The following ARSK variants were observed in gnomAD, a reference collection of about 807,000 sequenced individuals.
ARSK encodes arylsulfatase family member K, also known as arylsulfatase K.
A neutral mutation model predicts 53.2 loss-of-function variants in ARSK; 37 were observed. The observed-to-expected ratio is 0.70, with a 90% confidence interval of 0.54 to 0.92. ARSK has a LOEUF of 0.92. ARSK is among the 40% of genes least tolerant of loss of function. ARSK has a pLI of 0.00. For synonymous variants in ARSK, 208 were observed against 223.2 expected (o/e 0.93, Z 0.61); for missense variants, 613 against 643.0 (o/e 0.95, Z 0.51).
intron 1 of ARSK, among the ~76,000 whole-genome samples, chr5:95,563,578 A>T (rs1247925363): frequency 2.0e-5 from 3 of 152,148 alleles, no homozygotes; most frequent in African/African-American, 7.2e-5. Context: ...CCTGCTTTTG[A>T]TACAGATAAT....
At chr5:95,576,443 C>A (rs181652856) in intron 3 of ARSK, among the ~76,000 whole-genome samples, 1 of 151,494 alleles carries the variant, frequency 6.6e-6, no homozygotes, top group Admixed American at 6.6e-5. Flanking sequence ...GTGATCCGCC[C>A]GCCTCGGCCT....
chr5:95,566,319 A>C (rs565147765), intron 2 of ARSK, among the ~76,000 whole-genome samples, 192 bp downstream of exon 2: 5 of 152,308 alleles, frequency 3.3e-5, no homozygotes, highest in Admixed American at 1.3e-4. Context: ...CAAGAGTAGG[A>C]ATTTTTATCA....
chr5:95,572,670 C>T (rs1448843199), intron 3 of ARSK, among the ~76,000 whole-genome samples: 5 of 152,016 alleles, frequency 3.3e-5, no homozygotes, highest in African/African-American at 9.7e-5. Flanking sequence ...CCCAGCTCCT[C>T]GGGAGGCTGA....
intron 4 of ARSK, among the ~76,000 whole-genome samples, chr5:95,584,558 C>T (rs1311779246): frequency 1.3e-5 from 2 of 152,082 alleles, no homozygotes; most frequent in African/African-American, 2.4e-5. Flanking sequence ...TCAGTTAATT[C>T]AACTAAAAAG....
intron 4 of ARSK, 96 bp from the exon 5 acceptor site, chr5:95,586,466 G>T: frequency 1.1e-6 from 1 of 941,174 alleles, no homozygotes; most frequent in East Asian, 2.5e-5. Flanking sequence ...ACTATTCTAA[G>T]TAATTAAACA....
rs1251813129 is a variant in ARSK at position 95,603,453 on chromosome 5, A to G, written c.1538A>G (p.Gln513Arg). ...IANLRWHQDW[Q>R]KEPRKYENAI... ...AATCTTAGGTGGCACCAAGACTGGC[A>G]GAAGGAACCAAGGAAGTATGAAAAT... is the stretch of plus-strand genomic sequence containing the variant. Residue 513 changes from glutamine to arginine, a missense_variant, in exon 8 of 8, where the codon CAG becomes CGG. By Grantham distance (43) the Gln-to-Arg change is conservative (BLOSUM62 1). Coordinates refer to ENST00000380009, the MANE Select transcript of ARSK (RefSeq NM_198150.3). 3 of 1,613,864 alleles carry G rather than the reference A, an allele frequency of 1.9e-6. No homozygotes were observed. The highest frequency in any genetic ancestry group is 2.5e-6 in the Non-Finnish European group (3 of 1,179,896).
chr5:95,557,514 G>A (rs1436346575), intron 1 of ARSK, among the ~76,000 whole-genome samples: 1 of 152,192 alleles, frequency 6.6e-6, no homozygotes, highest in African/African-American at 2.4e-5. Flanking sequence ...AAATAAGACT[G>A]TAATATTACT....
chr5:95,583,313 C>A, intron 4 of ARSK, 115 bp downstream of exon 4: 1 of 910,294 alleles, frequency 1.1e-6, no homozygotes, highest in Non-Finnish European at 1.5e-6. Flanking sequence ...ATTGTATATT[C>A]AAACTTGACC....
At chr5:95,580,692 G>A (rs1749007811) in intron 3 of ARSK, among the ~76,000 whole-genome samples, 2 of 152,178 alleles carry the variant, frequency 1.3e-5, no homozygotes, top group South Asian at 4.1e-4. Flanking sequence ...TGATGGCCCA[G>A]GAAGGTTGGG....
intron 3 of ARSK, among the ~76,000 whole-genome samples, chr5:95,571,560 C>A (rs1490040646): frequency 6.6e-6 from 1 of 152,044 alleles, no homozygotes; most frequent in Non-Finnish European, 1.5e-5. Flanking sequence ...GTTTAAAATT[C>A]TTTAAATATT....
chr5:95,565,805 G>A (rs1748715947), intron 1 of ARSK, among the ~76,000 whole-genome samples, 193 bp from the exon 2 acceptor site: 1 of 152,148 alleles, frequency 6.6e-6, no homozygotes, highest in Non-Finnish European at 1.5e-5. Context: ...GAATCCAAGT[G>A]TAACGCTGCA....
intron 6 of ARSK, 116 bp from the exon 7 acceptor site, chr5:95,600,731 C>A: frequency 1.9e-6 from 2 of 1,038,894 alleles, no homozygotes; most frequent in Non-Finnish European, 2.9e-6. Flanking sequence ...CATATACAAT[C>A]TCCAGTCTCC....
chr5:95,559,119 C>G (rs1363271006), intron 1 of ARSK, among the ~76,000 whole-genome samples: 1 of 152,122 alleles, frequency 6.6e-6, no homozygotes, highest in African/African-American at 2.4e-5. Context: ...CCAGCATGGA[C>G]AAAAGAGCAA....
chr5:95,586,167 C>T (rs1415282447), intron 4 of ARSK, among the ~76,000 whole-genome samples: 3 of 151,952 alleles, frequency 2.0e-5, no homozygotes, highest in African/African-American at 7.3e-5. Context: ...GTCATTTTTA[C>T]TAGTGAATTA....
intron 6 of ARSK, among the ~76,000 whole-genome samples, chr5:95,592,506 C>G (rs1263114882): frequency 1.3e-5 from 2 of 152,022 alleles, no homozygotes; most frequent in Non-Finnish European, 2.9e-5. Flanking sequence ...TTTCATATCC[C>G]TTCTCATATA....
In ARSK at chr5:95,568,010, T is replaced by C. The variant is rs569691679; in HGVS notation, c.377T>C (p.Phe126Ser). The C allele has an allele frequency of 3.7e-6, 6 of 1,613,860 alleles. No individual in the cohort carries two copies. The South Asian group carries it at 5.5e-5, about 15-fold the overall frequency. Residue 126 changes from phenylalanine (F) to serine (S), a missense_variant, in exon 3 of 8, where the codon TTT becomes TCT. Coordinates refer to ENST00000380009, the MANE Select transcript of ARSK (RefSeq NM_198150.3). Reference protein sequence around the residue: ...MERHGYRTQKFGKLDYTSGHH... With the variant: ...MERHGYRTQKSGKLDYTSGHH... ...AGGCATGGCTACCGAACACAGAAAT[T>C]TGGGAAACTGGACTATACTTCAGGA...
intron 3 of ARSK, among the ~76,000 whole-genome samples, chr5:95,581,874 G>GTT (rs112835623): frequency 6.6e-6 from 1 of 151,930 alleles, no homozygotes; most frequent in African/African-American, 2.4e-5. Flanking sequence ...TGAAATTATG[G>GTT]TTTTTTTATT....
chr5:95,593,166 C>T (rs1229185474), intron 6 of ARSK, among the ~76,000 whole-genome samples: 2 of 152,138 alleles, frequency 1.3e-5, no homozygotes, highest in Non-Finnish European at 2.9e-5. Flanking sequence ...CCTACCCTCC[C>T]CATTCCCAAA....
intron 3 of ARSK, among the ~76,000 whole-genome samples, chr5:95,579,573 T>A (rs1418765553): frequency 6.6e-6 from 1 of 152,222 alleles, no homozygotes; most frequent in East Asian, 1.9e-4. Flanking sequence ...TTATGGGATC[T>A]CCCAGGAGCT....
Sources: allele counts gnomAD v4.1 joint callset (sites outside exome capture counted in the v4.1 genomes callset), GRCh38; gene constraint gnomAD v4.1.1; transcripts MANE v1.5; gene names NCBI Gene and HGNC (gene_info 2026-07-23, HGNC 2026-07-21).